CPNE8: variants seen among roughly 807,000 people sequenced by gnomAD.
The protein encoded by CPNE8 is copine-8.
A neutral mutation model predicts 81.5 loss-of-function variants in CPNE8; 45 were observed. The ratio of observed to expected loss-of-function variants is 0.55; its 90% CI spans 0.44 to 0.71. The LOEUF (loss-of-function observed/expected upper bound fraction) is 0.71, where lower values mean the gene tolerates loss of function less well. Ranked by LOEUF, CPNE8 falls within the 30% of genes least tolerant of loss-of-function variation. The pLI is 0.00. For synonymous variants in CPNE8, 252 were observed against 226.3 expected, an observed-to-expected ratio of 1.11 and a Z score of -1.02; for missense variants, 594 against 672.1, an observed-to-expected ratio of 0.88 and a Z score of 1.28.
At chr12:38,660,611 CA>C (rs1938930222) in intron 19 of CPNE8, among the ~76,000 whole-genome samples, 1 of 152,090 alleles carries the variant, frequency 6.6e-6, no homozygotes, top group South Asian at 2.1e-4. Flanking sequence ...CCAAAATTGA[CA>C]AATGGGATCT....
chr12:38,715,644 A>C lies in CPNE8; in HGVS notation c.914+8128T>G, dbSNP rs187803694. 2.6e-3 allele frequency among the ~76,000 whole-genome samples: 401 copies of C among 152,204 alleles called. 3 individuals are homozygous for C. The highest frequency in any genetic ancestry group is 3.0e-3 in the Non-Finnish European group (201 of 67,944). On this transcript the variant is annotated intron_variant, in intron 13 of 19. Transcript: ENST00000331366. ...AATAAGCATGCAAAGGACTTACCTCAAAGTAATAAAAGCCATATATGACAA... is the reference window on the plus strand; with the variant it reads ...AATAAGCATGCAAAGGACTTACCTCCAAGTAATAAAAGCCATATATGACAA...
chr12:38,752,577 C>T (rs1480766606), intron 10 of CPNE8, among the ~76,000 whole-genome samples: 2 of 152,132 alleles, frequency 1.3e-5, no homozygotes, highest in Non-Finnish European at 2.9e-5. Context: ...TCAATATCAC[C>T]TCTGGTAACC....
At chr12:38,860,606 CTA>C (rs1943816798) in intron 3 of CPNE8, among the ~76,000 whole-genome samples, 1 of 150,940 alleles carries the variant, frequency 6.6e-6, no homozygotes, top group Admixed American at 6.6e-5. Context: ...ATCTACACTC[CTA>C]TGTTCATTAC....
chr12:38,827,162 G>A (rs1431116082), intron 6 of CPNE8, among the ~76,000 whole-genome samples: 2 of 59,348 alleles, frequency 3.4e-5, no homozygotes, highest in African/African-American at 8.2e-5. Context: ...GGGAGACTCC[G>A]TCTCAAAAAA....
At chr12:38,826,278 T>A (rs1397567718) in intron 6 of CPNE8, among the ~76,000 whole-genome samples, 1 of 152,092 alleles carries the variant, frequency 6.6e-6, no homozygotes, top group Non-Finnish European at 1.5e-5. Context: ...GCTTAGAAAA[T>A]CAAATTAATT....
chr12:38,802,631 T>C (rs1469351616), intron 6 of CPNE8, among the ~76,000 whole-genome samples: 2 of 150,774 alleles, frequency 1.3e-5, no homozygotes, highest in African/African-American at 2.4e-5. Context: ...ATTCAAAAGC[T>C]GGCAGAAGGC....
At chr12:38,843,308 T>A (rs1943503450) in intron 4 of CPNE8, among the ~76,000 whole-genome samples, 1 of 152,316 alleles carries the variant, frequency 6.6e-6, no homozygotes, top group Non-Finnish European at 1.5e-5. Context: ...AAACAAAATA[T>A]GTGATCATGC....
chr12:38,681,216 T>TG (rs547462426), intron 16 of CPNE8, among the ~76,000 whole-genome samples: 14 of 151,864 alleles, frequency 9.2e-5, no homozygotes, highest in Non-Finnish European at 2.1e-4. Context: ...TGAATAGAAA[T>TG]TTTTTTTAAA....
chr12:38,809,620 TG>T (rs1459397100), intron 6 of CPNE8, among the ~76,000 whole-genome samples: 2 of 152,190 alleles, frequency 1.3e-5, no homozygotes, highest in Non-Finnish European at 2.9e-5. Context: ...TTGGCCTTCA[TG>T]ATCCATGGTC....
At chr12:38,757,270 T>C (rs1452773305) in intron 10 of CPNE8, among the ~76,000 whole-genome samples, 1 of 152,030 alleles carries the variant, frequency 6.6e-6, no homozygotes, top group Non-Finnish European at 1.5e-5. Context: ...AAACAGTCTC[T>C]GTTGATCATT....
chr12:38,892,973 T>C (rs1327065172), intron 1 of CPNE8, among the ~76,000 whole-genome samples: 5 of 152,030 alleles, frequency 3.3e-5, no homozygotes, highest in African/African-American at 4.8e-5. Context: ...TAGCAAGTAG[T>C]TGGTGTTAGA....
intron 1 of CPNE8, among the ~76,000 whole-genome samples, chr12:38,880,156 C>T (rs1369705782): frequency 6.6e-6 from 1 of 152,208 alleles, no homozygotes; most frequent in Non-Finnish European, 1.5e-5. Context: ...AGACCAGTAT[C>T]TCTGAATCAT....
At chr12:38,727,445 C>T (rs960918721) in intron 11 of CPNE8, among the ~76,000 whole-genome samples, 27 of 152,076 alleles carry the variant, frequency 1.8e-4, no homozygotes, top group African/African-American at 5.8e-4. Flanking sequence ...CCACACTGTA[C>T]ACCATTAGTA....
intron 6 of CPNE8, among the ~76,000 whole-genome samples, chr12:38,797,382 G>A (rs1023603043): frequency 2.0e-5 from 3 of 152,126 alleles, no homozygotes; most frequent in Admixed American, 1.3e-4. Flanking sequence ...GGCAGCATTC[G>A]TGTTTCACGA....
intron 7 of CPNE8, among the ~76,000 whole-genome samples, chr12:38,769,524 C>T (rs1482227566): frequency 3.3e-5 from 5 of 152,096 alleles, no homozygotes; most frequent in African/African-American, 7.2e-5. Context: ...TTTGAATGCC[C>T]CTTCATTTCC....
intron 6 of CPNE8, among the ~76,000 whole-genome samples, chr12:38,792,685 A>G (rs1942354336): frequency 6.6e-6 from 1 of 151,852 alleles, no homozygotes; most frequent in Non-Finnish European, 1.5e-5. Context: ...TTCCTGAAAC[A>G]CTTGTGAAAA....
At chr12:38,812,030 C>A (rs574119636) in intron 6 of CPNE8, among the ~76,000 whole-genome samples, 115 of 152,212 alleles carry the variant, frequency 7.6e-4, no homozygotes, top group African/African-American at 2.7e-3. Context: ...GACACTGATG[C>A]AGTAACAACA....
chr12:38,731,793 T>C (rs1211732215), intron 10 of CPNE8, among the ~76,000 whole-genome samples: 2 of 152,000 alleles, frequency 1.3e-5, no homozygotes, highest in East Asian at 3.9e-4. Context: ...CACACTACTT[T>C]TGGATTAGTA....
intron 9 of CPNE8, 64 bp from the exon 10 acceptor site, chr12:38,760,952 A>C (rs185678105): frequency 2.5e-5 from 30 of 1,202,726 alleles, no homozygotes; most frequent in Admixed American, 1.6e-4. Flanking sequence ...TATGGTTGAG[A>C]ATTTAAAAAT....
Sources: allele counts gnomAD v4.1 joint callset (sites outside exome capture counted in the v4.1 genomes callset), GRCh38; gene constraint gnomAD v4.1.1; transcripts MANE v1.5; gene names NCBI Gene and HGNC (gene_info 2026-07-23, HGNC 2026-07-21).